The following MBOAT2 variants were observed in gnomAD, a reference collection of about 807,000 sequenced individuals.
MBOAT2 encodes membrane-bound glycerophospholipid O-acyltransferase 2.
In MBOAT2, 28 loss-of-function variants were observed where a neutral mutation model predicts 63.4. That is an observed-to-expected ratio of 0.44 (90% confidence interval 0.33 to 0.61). The LOEUF is 0.61. Among genes scored for constraint, MBOAT2 ranks in the 20% least tolerant of loss-of-function variants. The probability of loss-of-function intolerance (pLI) is 0.03; values close to 1 mark genes in which losing one functional copy is unlikely to be tolerated. For synonymous variants in MBOAT2, 211 were observed against 215.6 expected, an observed-to-expected ratio of 0.98 and a Z score of 0.19; for missense variants, 470 against 605.8, an observed-to-expected ratio of 0.78 and a Z score of 2.35.
intron 7 of MBOAT2, among the ~76,000 whole-genome samples, 187 bp from the exon 8 acceptor site, chr2:8,873,487 A>G (rs565264625): frequency 6.6e-6 from 1 of 152,288 alleles, no homozygotes; most frequent in East Asian, 1.9e-4. Context: ...AACTTTTCCA[A>G]CTGTATCTAT....
chr2:8,872,824 G>C (rs74827786), intron 8 of MBOAT2, among the ~76,000 whole-genome samples: 1 of 152,052 alleles, frequency 6.6e-6, no homozygotes, highest in Non-Finnish European at 1.5e-5. Context: ...ATACATACTC[G>C]TATCTATCCT....
At chr2:8,893,290 T>G (rs1664155621) in intron 4 of MBOAT2, among the ~76,000 whole-genome samples, 1 of 152,116 alleles carries the variant, frequency 6.6e-6, no homozygotes, top group African/African-American at 2.4e-5. Context: ...AGGAGAAAGC[T>G]GACTGAGAAG....
Position 9,003,479 on chromosome 2 carries a change from G to A in MBOAT2, c.75+61C>T, listed in dbSNP as rs1384819891. On this transcript the variant is annotated intron_variant, in intron 1 of 12. Coordinates refer to ENST00000305997, the MANE Select transcript of MBOAT2 (RefSeq NM_138799.4). The surrounding 1 kb of genome is among the most constrained non-coding windows in gnomAD (Gnocchi z 5.4). ...CTCCTCCCGGGCCCCCGGTCGGGTG[G>A]CACCGCGGCGGGGAGGGGCGGCGAG... 1.3e-5 allele frequency: 14 copies of A among 1,094,606 alleles called. No homozygotes were observed. Among genetic ancestry groups the A allele is most frequent in the Non-Finnish European group, 1.6e-5 (14 of 883,884 alleles). 67.8% of individuals were successfully genotyped at this position (1,094,606 alleles called of 1,614,324 possible).
intron 4 of MBOAT2, among the ~76,000 whole-genome samples, chr2:8,907,685 T>G (rs1251504978): frequency 6.6e-6 from 1 of 152,218 alleles, no homozygotes; most frequent in Non-Finnish European, 1.5e-5. Flanking sequence ...AATTGTTTTG[T>G]TTTGGCCTTG....
intron 12 of MBOAT2, among the ~76,000 whole-genome samples, chr2:8,859,547 A>G (rs1180955277): frequency 1.3e-5 from 2 of 152,246 alleles, no homozygotes; most frequent in East Asian, 1.9e-4. Flanking sequence ...GCCCAATCAC[A>G]TTTTTAAACA....
In MBOAT2 at chr2:8,959,028, G is replaced by A. The variant is rs563003105; in HGVS notation, c.76-386C>T. Among the ~76,000 whole-genome samples, 9 of 152,286 alleles carry A rather than the reference G, an allele frequency of 5.9e-5. No homozygotes were observed. In the East Asian group the frequency reaches 1.2e-3, roughly 20 times the overall value. On this transcript the variant is annotated intron_variant, in intron 1 of 12. Coordinates refer to ENST00000305997, the MANE Select transcript of MBOAT2 (RefSeq NM_138799.4). Reference sequence around the variant, plus strand: ...GAACCCTGTAACCCGTGAAAAAGAGGAGCACTAAATTTCTTCGCAAAAGCT... The same window carrying A: ...GAACCCTGTAACCCGTGAAAAAGAGAAGCACTAAATTTCTTCGCAAAAGCT...
chr2:8,935,271 G>A (rs531702503), intron 3 of MBOAT2, among the ~76,000 whole-genome samples: 1 of 152,154 alleles, frequency 6.6e-6, no homozygotes, highest in South Asian at 2.1e-4. Flanking sequence ...CTTACACCAG[G>A]AACCAAAATC....
At chr2:8,943,351 A>T (rs1404073811) in intron 2 of MBOAT2, 87 bp from the exon 3 acceptor site, 1 of 698,798 alleles carries the variant, frequency 1.4e-6, no homozygotes, top group Non-Finnish European at 2.3e-6. Flanking sequence ...ATACTTATGC[A>T]TAACACAGTA....
intron 4 of MBOAT2, among the ~76,000 whole-genome samples, chr2:8,899,470 T>A (rs1664746638): frequency 6.6e-6 from 1 of 152,180 alleles, no homozygotes; most frequent in South Asian, 2.1e-4. Flanking sequence ...GAAGTCAATG[T>A]CCTGGCCCTC....
chr2:8,860,537 T>C (rs1268494320), intron 12 of MBOAT2, 76 bp downstream of exon 12: 5 of 1,439,044 alleles, frequency 3.5e-6, no homozygotes, highest in Admixed American at 4.0e-5. Flanking sequence ...TGTTTTTCTA[T>C]TCTATCCAAT....
rs760048142 is a variant in MBOAT2, at chr2:9,003,637, C to T, written c.-23G>A. ...CATGGCCGGGCCTCGGCGCTCCGGC[C>T]GCCCGCGCCGCTCGCCCGCTCGCGC... On this transcript the variant is annotated 5_prime_UTR_variant, in exon 1 of 13. Coordinates refer to ENST00000305997, the MANE Select transcript of MBOAT2 (RefSeq NM_138799.4). The surrounding 1 kb of genome is among the most constrained non-coding windows in gnomAD (Gnocchi z 5.4). The T allele has an allele frequency of 1.1e-5, 13 of 1,152,106 alleles. No individual in the cohort carries two copies. Among genetic ancestry groups the T allele is most frequent in the South Asian group, 4.2e-5 (1 of 24,068 alleles). 71.4% of individuals were successfully genotyped at this position (1,152,106 alleles called of 1,614,324 possible). A position where few individuals can be genotyped will look rare whatever the true frequency, so the allele number is the denominator to read the frequency against.
At chr2:8,868,597 T>C (rs1283082906) in intron 8 of MBOAT2, 48 bp from the exon 9 acceptor site, 7 of 1,412,816 alleles carry the variant, frequency 5.0e-6, no homozygotes, top group Non-Finnish European at 4.0e-6. Flanking sequence ...TCCATAACAA[T>C]TTACCATATT....
chr2:8,945,187 G>A (rs1668330104), intron 2 of MBOAT2, among the ~76,000 whole-genome samples: 1 of 152,160 alleles, frequency 6.6e-6, no homozygotes, highest in Non-Finnish European at 1.5e-5. Context: ...GCAGCCTCCT[G>A]CTGTGTAAAC....
At chr2:8,891,238 AATT>A (rs1460846374) in intron 4 of MBOAT2, among the ~76,000 whole-genome samples, 2 of 152,262 alleles carry the variant, frequency 1.3e-5, no homozygotes, top group African/African-American at 4.8e-5. Flanking sequence ...CAGAAGACAA[AATT>A]ATCATAGGGA....
At chr2:8,881,113 C>G (rs1663095910) in intron 6 of MBOAT2, among the ~76,000 whole-genome samples, 2 of 152,120 alleles carry the variant, frequency 1.3e-5, no homozygotes, top group Non-Finnish European at 1.5e-5. Context: ...GCAGCTAAAT[C>G]CTTGAGAAGG....
chr2:8,868,753 A>G (rs1034020114), intron 8 of MBOAT2, among the ~76,000 whole-genome samples: 1 of 152,178 alleles, frequency 6.6e-6, no homozygotes, highest in Non-Finnish European at 1.5e-5. Context: ...ATGAGACATC[A>G]TGCATGAGTT....
chr2:8,882,922 CAT>C (rs1663248837), intron 5 of MBOAT2, among the ~76,000 whole-genome samples: 1 of 152,180 alleles, frequency 6.6e-6, no homozygotes, highest in Non-Finnish European at 1.5e-5. Flanking sequence ...AATGACTACA[CAT>C]GAGTACTATA....
Sources: gnomAD v4.1 joint callset for allele counts (sites outside exome capture counted in the v4.1 genomes callset) on GRCh38, gnomAD v4.1.1 for gene constraint, Gnocchi (gnomAD v3.1) non-coding constraint, MANE v1.5 for transcripts, NCBI Gene and HGNC (gene_info 2026-07-23, HGNC 2026-07-21) for gene names.